Variants in CBLN2 observed in about 807,000 individuals in gnomAD.
CBLN2 encodes the protein cerebellin 2 precursor, also known as cerebellin-2.
CBLN2 carries 7 observed loss-of-function variants against 15.0 expected under a neutral mutation model. The observed-to-expected ratio is 0.47, with a 90% CI of 0.27 to 0.88. CBLN2 has a LOEUF of 0.88. CBLN2 is among the 40% of genes least tolerant of loss of function. The pLI, the probability that CBLN2 is intolerant of heterozygous loss-of-function variation, is 0.14. For synonymous variants in CBLN2, 149 were observed against 135.2 expected (o/e 1.10, Z -0.71); for missense variants, 242 against 304.5 (o/e 0.79, Z 1.53).
At chr18:72,633,583 C>A (rs11151780) in intron 1 of CBLN2, among the ~76,000 whole-genome samples, 49,940 of 151,996 alleles carry the variant, frequency 0.33, 9,292 homozygotes, top group Middle Eastern at 0.48. Flanking sequence ...GAATACACAA[C>A]TGAAATAATT....
chr18:72,605,635 G>T (rs913059622), intron 1 of CBLN2, among the ~76,000 whole-genome samples: 37 of 152,162 alleles, frequency 2.4e-4, no homozygotes, highest in African/African-American at 8.9e-4. Context: ...TTTTCCAAGG[G>T]TCTGGCCCTG....
intron 1 of CBLN2, among the ~76,000 whole-genome samples, chr18:72,635,500 C>A (rs1018199895): frequency 6.6e-6 from 1 of 152,048 alleles, no homozygotes; most frequent in Admixed American, 6.6e-5. Context: ...GCTTTCTTTT[C>A]CATATTTGTA....
intron 1 of CBLN2, among the ~76,000 whole-genome samples, chr18:72,600,880 G>A (rs1218199869): frequency 6.6e-6 from 1 of 152,144 alleles, no homozygotes; most frequent in Non-Finnish European, 1.5e-5. Context: ...CACCCTCTAG[G>A]TGGGGTCACA....
chr18:72,636,901 G>T (rs1177076446), intron 1 of CBLN2, among the ~76,000 whole-genome samples: 1 of 151,884 alleles, frequency 6.6e-6, no homozygotes, highest in Non-Finnish European at 1.5e-5. Context: ...AATTGGCCTT[G>T]GATTTTCACA....
At chr18:72,613,349 C>T (rs1418152755) in intron 1 of CBLN2, among the ~76,000 whole-genome samples, 1 of 152,144 alleles carries the variant, frequency 6.6e-6, no homozygotes, top group African/African-American at 2.4e-5. Flanking sequence ...ATTACAGTGA[C>T]TTCATAAATA....
chr18:72,540,607 A>G (rs573111121), intron 3 of CBLN2, among the ~76,000 whole-genome samples: 45 of 152,326 alleles, frequency 3.0e-4, no homozygotes, highest in African/African-American at 9.9e-4. Flanking sequence ...TCTCATTTGG[A>G]CATAATCAAA....
intron 1 of CBLN2, among the ~76,000 whole-genome samples, chr18:72,615,254 T>C (rs2069652455): frequency 7.9e-6 from 1 of 127,176 alleles, no homozygotes; most frequent in African/African-American, 2.9e-5. Context: ...AATATATATT[T>C]ATATATGTAT....
chr18:72,584,523 C>T (rs367703128), intron 1 of CBLN2, among the ~76,000 whole-genome samples: 4 of 151,794 alleles, frequency 2.6e-5, no homozygotes, highest in East Asian at 1.9e-4. Flanking sequence ...AGGATGGTCT[C>T]GATCTTTTGA....
At chr18:72,615,503 T>C (rs1240510499) in intron 1 of CBLN2, among the ~76,000 whole-genome samples, 1 of 151,808 alleles carries the variant, frequency 6.6e-6, no homozygotes, top group Non-Finnish European at 1.5e-5. Flanking sequence ...CTCAAAACTC[T>C]TGACCTCATG....
At chr18:72,597,433 C>T (rs566199245) in intron 1 of CBLN2, among the ~76,000 whole-genome samples, 4 of 152,298 alleles carry the variant, frequency 2.6e-5, no homozygotes, top group Admixed American at 6.5e-5. Flanking sequence ...GAGCTGAGCT[C>T]GGGATGGCAC....
chr18:72,575,266 G>A (rs2069357736), intron 1 of CBLN2, among the ~76,000 whole-genome samples: 1 of 152,098 alleles, frequency 6.6e-6, no homozygotes, highest in Non-Finnish European at 1.5e-5. Flanking sequence ...AGTGAGTGAG[G>A]TCGGGTGTGT....
intron 1 of CBLN2, among the ~76,000 whole-genome samples, chr18:72,571,232 C>T (rs2144906601): frequency 6.6e-6 from 1 of 152,080 alleles, no homozygotes; most frequent in South Asian, 2.1e-4. Flanking sequence ...TTTTTGAGCA[C>T]AAATTTTAAC....
At chr18:72,575,385 A>G (rs987693058) in intron 1 of CBLN2, among the ~76,000 whole-genome samples, 9 of 152,194 alleles carry the variant, frequency 5.9e-5, no homozygotes, top group Admixed American at 3.3e-4. Context: ...GCAATGAGTC[A>G]GGAGCTAAAA....
At chr18:72,561,187 T>TA (rs2069258751) in intron 1 of CBLN2, among the ~76,000 whole-genome samples, 2 of 100,816 alleles carry the variant, frequency 2.0e-5, no homozygotes, top group Admixed American at 1.1e-4. Context: ...TTCATTAAGT[T>TA]AAAAAAACAG....
chr18:72,548,448 T>C (rs908535684), upstream of CBLN2, among the ~76,000 whole-genome samples: 1 of 152,222 alleles, frequency 6.6e-6, no homozygotes, highest in African/African-American at 2.4e-5. Flanking sequence ...GAAAGATTCA[T>C]AGGACTATTT....
At chr18:72,546,353 T>C (rs560767838), upstream of CBLN2, among the ~76,000 whole-genome samples, 138 of 151,568 alleles carry the variant, frequency 9.1e-4, no homozygotes, top group African/African-American at 3.1e-3. Flanking sequence ...AGGAGAATGG[T>C]GTGAACCTGG....
chr18:72,591,251 A>G (rs567335817), intron 1 of CBLN2, among the ~76,000 whole-genome samples: 1 of 152,220 alleles, frequency 6.6e-6, no homozygotes, highest in Non-Finnish European at 1.5e-5. Flanking sequence ...CAATTAATTT[A>G]AAGTGATAAA....
At chr18:72,546,171 T>C (rs151263967), upstream of CBLN2, among the ~76,000 whole-genome samples, 708 of 152,206 alleles carry the variant, frequency 4.7e-3, 9 homozygotes, top group East Asian at 0.037. Flanking sequence ...GGCGCGGTGG[T>C]TCACGCCTGT....
chr18:72,617,451 CA>C (rs1338337993), intron 1 of CBLN2, among the ~76,000 whole-genome samples: 2 of 152,138 alleles, frequency 1.3e-5, no homozygotes, highest in Non-Finnish European at 1.5e-5. Flanking sequence ...TATAGTATAT[CA>C]GTTACAAGAT....
Sources: gnomAD v4.1 joint callset for allele counts (sites outside exome capture counted in the v4.1 genomes callset) on GRCh38, gnomAD v4.1.1 for gene constraint, MANE v1.5 for transcripts, NCBI Gene and HGNC (gene_info 2026-07-23, HGNC 2026-07-21) for gene names.